Variants in RBMS1 observed in about 807,000 individuals in gnomAD.
RBMS1 encodes the protein RNA-binding motif, single-stranded-interacting protein 1.
In RBMS1, 17 loss-of-function variants were observed where a neutral mutation model predicts 62.3. The ratio of observed to expected loss-of-function variants is 0.27; its 90% CI spans 0.19 to 0.41. RBMS1 has a LOEUF of 0.41. Among genes scored for constraint, RBMS1 ranks in the 10% least tolerant of loss-of-function variants. RBMS1 has a pLI of 1.00. For missense variants in RBMS1, 334 were observed against 504.5 expected, an observed-to-expected ratio of 0.66 and a Z score of 3.24; for synonymous variants, 172 against 170.0, an observed-to-expected ratio of 1.01 and a Z score of -0.09.
intron 1 of RBMS1, among the ~76,000 whole-genome samples, chr2:160,451,166 A>AAAAAAAAAT (rs985879438): frequency 3.3e-4 from 49 of 150,494 alleles, no homozygotes; most frequent in Admixed American, 8.7e-4. Flanking sequence ...CAGAAAAAAA[A>AAAAAAAAAT]AAATAAATAA....
chr2:160,395,954 G>A (rs1695117481), intron 1 of RBMS1, among the ~76,000 whole-genome samples: 3 of 152,146 alleles, frequency 2.0e-5, no homozygotes, highest in Admixed American at 1.3e-4. Flanking sequence ...GACACCCCAA[G>A]GAAGGAGGGA....
rs1449403706 is a variant in RBMS1 at position 160,273,516 on chromosome 2, G to C, written c.*1256C>G. The C allele has an allele frequency of 6.6e-5, 10 of 152,178 alleles. No individual in the cohort carries two copies. Among genetic ancestry groups the C allele is most frequent in the Admixed American group, 2.0e-4 (3 of 15,292 alleles). The allele number at this position is 152,178 out of a possible 1,614,324, so 9.4% of individuals were successfully genotyped here. ...CAAATTTACCTAATAGAGAGAGAGA[G>C]AGAGAGCTAGTAGCCAATCGTTTTG... On this transcript the variant is annotated 3_prime_UTR_variant, in exon 14 of 14. Coordinates refer to ENST00000348849, the MANE Select transcript of RBMS1 (RefSeq NM_016836.4).
At position 160,421,581 on chromosome 2, in the gene RBMS1, T is replaced by C. The variant is rs561623437; in HGVS notation, c.76-54190A>G. On this transcript the variant is annotated intron_variant, in intron 1 of 13. Coordinates refer to ENST00000348849, the MANE Select transcript of RBMS1 (RefSeq NM_016836.4). ...ATTTGGGTTGGTTCCAAGTCTTTGC[T>C]ATTGTGAATAGTGTCACAATAAACA... 1.1e-4 allele frequency among the ~76,000 whole-genome samples: 17 copies of C among 152,342 alleles called. No individual in the cohort carries two copies. In the East Asian group the frequency reaches 2.9e-3, roughly 26 times the overall value.
intron 1 of RBMS1, among the ~76,000 whole-genome samples, chr2:160,397,194 C>T (rs1268760813): frequency 2.0e-5 from 3 of 152,014 alleles, no homozygotes; most frequent in Non-Finnish European, 4.4e-5. Context: ...GCACTCATTT[C>T]TGTTTGAATG....
intron 1 of RBMS1, among the ~76,000 whole-genome samples, chr2:160,430,345 T>C (rs138742456): frequency 0.012 from 1,799 of 152,364 alleles, 38 homozygotes; most frequent in African/African-American, 0.041. Flanking sequence ...TATGTTTGTA[T>C]CATGGTCTAT....
At chr2:160,327,097 G>C (rs182565294) in intron 2 of RBMS1, among the ~76,000 whole-genome samples, 2 of 152,200 alleles carry the variant, frequency 1.3e-5, no homozygotes, top group East Asian at 3.8e-4. Context: ...GATGAAGACT[G>C]AATTACAGAA....
At chr2:160,305,393 T>A (rs1352886203) in intron 4 of RBMS1, among the ~76,000 whole-genome samples, 2 of 152,332 alleles carry the variant, frequency 1.3e-5, no homozygotes, top group South Asian at 2.1e-4. Flanking sequence ...CAAATACTTA[T>A]CATTGTATTA....
intron 2 of RBMS1, among the ~76,000 whole-genome samples, chr2:160,323,389 T>C (rs1690690403): frequency 6.6e-6 from 1 of 151,650 alleles, no homozygotes; most frequent in African/African-American, 2.4e-5. Flanking sequence ...GGTGGGAGGA[T>C]CACTTGGGCC....
At chr2:160,353,657 A>C (rs1287190745) in intron 2 of RBMS1, among the ~76,000 whole-genome samples, 2 of 152,228 alleles carry the variant, frequency 1.3e-5, no homozygotes, top group South Asian at 2.1e-4. Context: ...TAAAGTGGCA[A>C]ATCAAGAAGA....
intron 2 of RBMS1, among the ~76,000 whole-genome samples, chr2:160,342,273 T>C (rs1691912735): frequency 6.6e-6 from 1 of 152,198 alleles, no homozygotes; most frequent in Non-Finnish European, 1.5e-5. Context: ...ACACATGTAA[T>C]GCAAAATAAG....
chr2:160,456,198 T>C (rs573512097), intron 1 of RBMS1, among the ~76,000 whole-genome samples: 3 of 152,300 alleles, frequency 2.0e-5, no homozygotes, highest in East Asian at 3.9e-4. Context: ...CCACCAATAA[T>C]AGAACCTAAT....
chr2:160,434,615 G>C (rs564501969), intron 1 of RBMS1, among the ~76,000 whole-genome samples: 1 of 152,300 alleles, frequency 6.6e-6, no homozygotes, highest in African/African-American at 2.4e-5. Context: ...GCCACATGCA[G>C]CTAATGGGCA....
intron 2 of RBMS1, among the ~76,000 whole-genome samples, chr2:160,321,635 T>G (rs1690566359): frequency 6.6e-6 from 1 of 152,178 alleles, no homozygotes; most frequent in Non-Finnish European, 1.5e-5. Flanking sequence ...AATCTCATCT[T>G]CAATATTATC....
At chr2:160,485,085 A>G (rs953920168) in intron 1 of RBMS1, among the ~76,000 whole-genome samples, 4 of 152,188 alleles carry the variant, frequency 2.6e-5, no homozygotes, top group Admixed American at 1.3e-4. Context: ...AAGCAGTACT[A>G]GGAACCCTCG....
chr2:160,300,482 G>A (rs1188519002), intron 6 of RBMS1, among the ~76,000 whole-genome samples, 169 bp downstream of exon 6: 1 of 152,184 alleles, frequency 6.6e-6, no homozygotes, highest in Non-Finnish European at 1.5e-5. Context: ...AACATCCAAT[G>A]CCTATGCCTA....
intron 1 of RBMS1, among the ~76,000 whole-genome samples, chr2:160,411,394 G>A (rs1015441926): frequency 1.3e-5 from 2 of 152,176 alleles, no homozygotes; most frequent in East Asian, 1.9e-4. Flanking sequence ...TACTGGCAGC[G>A]GGCAGAGAGT....
At chr2:160,388,414 G>A (rs1051661952) in intron 1 of RBMS1, among the ~76,000 whole-genome samples, 2 of 152,156 alleles carry the variant, frequency 1.3e-5, no homozygotes, top group African/African-American at 2.4e-5. Context: ...TTCTGATGCA[G>A]GTGGTACGGT....
chr2:160,285,148 T>TGGTGG, intron 7 of RBMS1, 104 bp from the exon 8 acceptor site: 1 of 1,118,638 alleles, frequency 8.9e-7, no homozygotes, highest in Non-Finnish European at 1.3e-6. Context: ...TCCCAGCTGC[T>TGGTGG]GGGGAGGCTG....
At chr2:160,295,654 T>C (rs1184034052) in intron 6 of RBMS1, among the ~76,000 whole-genome samples, 1 of 152,210 alleles carries the variant, frequency 6.6e-6, no homozygotes, top group Non-Finnish European at 1.5e-5. Context: ...TTATTTCCCT[T>C]GAATGGATGT....
Sources: allele counts gnomAD v4.1 joint callset (sites outside exome capture counted in the v4.1 genomes callset), GRCh38; gene constraint gnomAD v4.1.1; transcripts MANE v1.5; gene names NCBI Gene and HGNC (gene_info 2026-07-23, HGNC 2026-07-21).